ENTREP2: variants seen among roughly 807,000 people sequenced by gnomAD.
ENTREP2 encodes protein ENTREP2.
At chr15:29,474,504 G>A in the ENTREP2 span, among the ~76,000 whole-genome samples, 11 of 152,222 alleles carry the variant, frequency 7.2e-5, no homozygotes, top group East Asian at 1.9e-4. Context: ...TGGTCACTGC[G>A]TGGGGACTTA....
At chr15:29,357,979 A>G in the ENTREP2 span, among the ~76,000 whole-genome samples, 1 of 152,222 alleles carries the variant, frequency 6.6e-6, no homozygotes, top group South Asian at 2.1e-4. Flanking sequence ...AGAATGCGGA[A>G]CACTTGGGGC....
the ENTREP2 span, among the ~76,000 whole-genome samples, chr15:29,635,999 C>T: frequency 3.3e-5 from 5 of 152,230 alleles, no homozygotes; most frequent in East Asian, 5.8e-4. Flanking sequence ...CTTCTCATGG[C>T]GAGCCAAATC....
At chr15:29,227,656 A>G in the ENTREP2 span, among the ~76,000 whole-genome samples, 5 of 152,118 alleles carry the variant, frequency 3.3e-5, no homozygotes, top group Admixed American at 3.3e-4. Flanking sequence ...CCAGGGAGAG[A>G]AGGAGAAGAC....
chr15:29,356,285 T>C, the ENTREP2 span, among the ~76,000 whole-genome samples: 3 of 56,990 alleles, frequency 5.3e-5, no homozygotes, highest in African/African-American at 9.0e-5. Context: ...TATATATATA[T>C]ATATATATAT....
At chr15:29,248,174 A>G in the ENTREP2 span, among the ~76,000 whole-genome samples, 2 of 152,204 alleles carry the variant, frequency 1.3e-5, no homozygotes, top group East Asian at 1.9e-4. Context: ...GTAAACTACT[A>G]AACTGTTTAG....
chr15:29,670,029 C>T, the ENTREP2 span, among the ~76,000 whole-genome samples: 53 of 152,262 alleles, frequency 3.5e-4, no homozygotes, highest in East Asian at 9.6e-4. Flanking sequence ...CTATTCATTC[C>T]GAAGCCATGT....
At chr15:29,186,225 G>T in the ENTREP2 span, among the ~76,000 whole-genome samples, 51 of 152,202 alleles carry the variant, frequency 3.4e-4, no homozygotes, top group African/African-American at 1.2e-3. Flanking sequence ...AGCCTGTGCT[G>T]GCATGGCAGA....
chr15:29,622,334 T>C, the ENTREP2 span, among the ~76,000 whole-genome samples: 1 of 152,092 alleles, frequency 6.6e-6, no homozygotes, highest in Non-Finnish European at 1.5e-5. Context: ...GCCTCCCAAG[T>C]AGCTGGGATT....
chr15:29,633,012 T>A, the ENTREP2 span, among the ~76,000 whole-genome samples: 17 of 152,234 alleles, frequency 1.1e-4, no homozygotes, highest in Admixed American at 6.5e-4. Flanking sequence ...TCAGGTGCGA[T>A]GTCAGGAAGG....
At chr15:29,671,585 G>C in the ENTREP2 span, among the ~76,000 whole-genome samples, 1 of 152,196 alleles carries the variant, frequency 6.6e-6, no homozygotes, top group Non-Finnish European at 1.5e-5. Context: ...AGAAGTGTTT[G>C]AGTAAAAACA....
At chr15:29,519,514 T>C in the ENTREP2 span, among the ~76,000 whole-genome samples, 1 of 152,156 alleles carries the variant, frequency 6.6e-6, no homozygotes. Context: ...AAATAGTAAA[T>C]ATATTTTCTC....
the ENTREP2 span, among the ~76,000 whole-genome samples, chr15:29,617,215 A>G: frequency 6.6e-6 from 1 of 152,214 alleles, no homozygotes; most frequent in Non-Finnish European, 1.5e-5. Flanking sequence ...CAAAGGCCAG[A>G]GAACCTGGGG....
the ENTREP2 span, among the ~76,000 whole-genome samples, chr15:29,325,285 G>C: frequency 6.6e-6 from 1 of 151,776 alleles, no homozygotes; most frequent in Non-Finnish European, 1.5e-5. Context: ...AGAGAGAGAA[G>C]AGCAATCCAA....
the ENTREP2 span, among the ~76,000 whole-genome samples, chr15:29,566,098 T>C: frequency 6.6e-6 from 1 of 152,106 alleles, no homozygotes; most frequent in Non-Finnish European, 1.5e-5. Flanking sequence ...GGTAGAGAAT[T>C]GGGGTAGGCG....
the ENTREP2 span, among the ~76,000 whole-genome samples, chr15:29,653,567 GTGTT>G: frequency 2.0e-5 from 3 of 152,202 alleles, no homozygotes; most frequent in South Asian, 4.1e-4. Flanking sequence ...GGTTTGATAA[GTGTT>G]TGGTAGTTCC....
chr15:29,253,657 G>A, the ENTREP2 span, among the ~76,000 whole-genome samples: 3 of 151,962 alleles, frequency 2.0e-5, no homozygotes, highest in Non-Finnish European at 4.4e-5. Flanking sequence ...TGGCCAGGAC[G>A]GTCTCGATCT....
At chr15:29,665,581 T>C in the ENTREP2 span, among the ~76,000 whole-genome samples, 3 of 152,150 alleles carry the variant, frequency 2.0e-5, no homozygotes, top group Non-Finnish European at 4.4e-5. Context: ...GTTAAAGTCA[T>C]ATTTGGAGAG....
At chr15:29,501,820 G>A in the ENTREP2 span, among the ~76,000 whole-genome samples, 1 of 151,880 alleles carries the variant, frequency 6.6e-6, no homozygotes, top group Non-Finnish European at 1.5e-5. Flanking sequence ...TAATAAATTT[G>A]GCAAGGTGAC....
chr15:29,395,355 T>C, the ENTREP2 span, among the ~76,000 whole-genome samples: 5 of 152,160 alleles, frequency 3.3e-5, no homozygotes, highest in Admixed American at 1.3e-4. Flanking sequence ...CTTTCAATTC[T>C]TTTGGGTATG....
Sources: gnomAD v4.1 joint callset for allele counts (sites outside exome capture counted in the v4.1 genomes callset) on GRCh38, gnomAD v4.1.1 for gene constraint, MANE v1.5 for transcripts, NCBI Gene and HGNC (gene_info 2026-07-23, HGNC 2026-07-21) for gene names.